PARP6: variants seen among roughly 807,000 people sequenced by gnomAD.
The protein encoded by PARP6 is poly(ADP-ribose) polymerase family member 6, also known as protein mono-ADP-ribosyltransferase PARP6.
Under a neutral mutation model 92.0 loss-of-function variants are expected in PARP6, and 27 were observed. That is an observed-to-expected ratio of 0.29 (90% CI 0.22 to 0.40). The LOEUF (loss-of-function observed/expected upper bound fraction) is 0.40. Ranked by LOEUF, PARP6 falls within the 10% of genes least tolerant of loss-of-function variation. The pLI, the probability that PARP6 is intolerant of heterozygous loss-of-function variation, is 1.00. For synonymous variants in PARP6, 272 were observed against 281.2 expected (o/e 0.97, Z 0.33); for missense variants, 501 against 784.5 (o/e 0.64, Z 4.32).
intron 15 of PARP6, chr15:72,253,870 C>G (rs1289546991): frequency 4.4e-6 from 2 of 455,570 alleles, no homozygotes; most frequent in Non-Finnish European, 8.6e-6. Flanking sequence ...GTCCTCCTGA[C>G]AAGTAAATCA....
intron 1 of PARP6, 148 bp from the exon 2 acceptor site, chr15:72,271,435 T>C (rs764371013): frequency 6.6e-6 from 1 of 152,170 alleles, no homozygotes; most frequent in African/African-American, 2.4e-5. Context: ...TCTGGAGAGA[T>C]GGAAAGTGGA....
At chr15:72,267,899 C>T (rs1005955433) in intron 2 of PARP6, among the ~76,000 whole-genome samples, 5 of 152,222 alleles carry the variant, frequency 3.3e-5, no homozygotes, top group Admixed American at 3.3e-4. Context: ...TTACAGGTGC[C>T]TGCTGCCACG....
intron 4 of PARP6, among the ~76,000 whole-genome samples, 164 bp downstream of exon 4, chr15:72,266,581 G>C (rs2086623488): frequency 6.6e-6 from 1 of 152,172 alleles, no homozygotes; most frequent in African/African-American, 2.4e-5. Flanking sequence ...TCCAAAGAAA[G>C]AGCAAGGGCA....
At position 72,251,263 on chromosome 15, in the gene PARP6, G is replaced by A. The variant is rs1194915350; in HGVS notation, c.1260-8C>T. The stretch of plus-strand genomic sequence containing the variant: ...CTGTTGCTAGAGATGATCCTGGGAA[G>A]AAACAGAAAAAAATAAAAAGGATAG... On this transcript the variant is annotated splice_polypyrimidine_tract_variant and splice_region_variant and intron_variant, in intron 16 of 23. Transcript: ENST00000569795. The A allele has an allele frequency of 1.3e-6, 2 of 1,561,394 alleles. No individual in the cohort carries two copies. The highest frequency in any genetic ancestry group is 1.8e-5 in the Admixed American group (1 of 56,642).
chr15:72,246,940 T>C (rs923163840), intron 20 of PARP6, among the ~76,000 whole-genome samples: 1 of 152,002 alleles, frequency 6.6e-6, no homozygotes, highest in Non-Finnish European at 1.5e-5. Context: ...GTATTTTTAG[T>C]AGAGATGGGG....
chr15:72,257,560 A>C (rs2085299924), intron 12 of PARP6, 120 bp from the exon 13 acceptor site: 3 of 718,078 alleles, frequency 4.2e-6, no homozygotes, highest in Non-Finnish European at 7.3e-6. Flanking sequence ...GGCCCTCTAT[A>C]TCAGGAGAAA....
rs1261119421 is a variant in PARP6 at position 72,256,530 on chromosome 15, T to C, written c.1060A>G (p.Ile354Val). ...ACCACAGAGGGATAAGGCTCAAAGA[T>C]GATGCTCTTTCTAGGGGACTCTAAA... ...AALESPRKSI[I>V]FEPYPSVVDP... The change falls in exon 14 of 24, where the codon ATC becomes GTC. Residue 354 changes from isoleucine to valine, a missense_variant. Ile to Val is a conservative substitution (Grantham distance 29). Coordinates refer to ENST00000569795, the MANE Select transcript of PARP6 (RefSeq NM_001323532.2). The C allele has an allele frequency of 2.5e-6, 4 of 1,597,766 alleles. No individual in the cohort carries two copies. The South Asian group carries it at 3.4e-5, about 14-fold the overall frequency.
chr15:72,261,371 G>A (rs1184826227), intron 9 of PARP6, among the ~76,000 whole-genome samples, 187 bp downstream of exon 9: 1 of 152,086 alleles, frequency 6.6e-6, no homozygotes, highest in African/African-American at 2.4e-5. Flanking sequence ...AAAGGATTAG[G>A]TATTAACCTT....
At position 72,250,852 on chromosome 15, in the gene PARP6, CA is replaced by C; in HGVS notation, c.1410del (p.Phe470LeufsTer40). The C allele has an allele frequency of 6.2e-7, 1 of 1,603,056 alleles. No individual in the cohort carries two copies. Among genetic ancestry groups the C allele is most frequent in the Non-Finnish European group, 8.5e-7 (1 of 1,171,482 alleles). Reference sequence around the variant, plus strand: ...AGCCCCCAGCCTCCTCACTGGAAGGCAAAGGTGCTGCCATAGAGCTTCTTGG... The same window carrying C: ...AGCCCCCAGCCTCCTCACTGGAAGGCAAGGTGCTGCCATAGAGCTTCTTGG... ...RTAKKLYGSTFAFHGSHIENW... is the reference protein window; with the variant it reads ...RTAKKLYGSTXAFHGSHIENW... On this transcript the variant is annotated frameshift_variant, in exon 18 of 24. Coordinates refer to ENST00000569795, the MANE Select transcript of PARP6 (RefSeq NM_001323532.2). LOFTEE classifies it high-confidence loss of function.
intron 14 of PARP6, 138 bp downstream of exon 14, chr15:72,256,327 A>T: frequency 1.6e-6 from 1 of 612,836 alleles, no homozygotes; most frequent in Non-Finnish European, 2.4e-6. Context: ...CTATTTATTT[A>T]CTGAAACAGC....
Position 72,244,856 on chromosome 15 carries a change from T to C in PARP6, c.1562-2157A>G, listed in dbSNP as rs532833692. ...CTACTGATAAAGACATACCCAAGAC[T>C]TGGTAATTTATACAGGAAAAAGGGT... On this transcript the variant is annotated intron_variant, in intron 20 of 23. Transcript: ENST00000569795. 3 of 152,892 alleles carry C rather than the reference T, an allele frequency of 2.0e-5. No homozygotes were observed. In the East Asian group the frequency reaches 5.8e-4, roughly 29 times the overall value. The allele number at this position is 152,892 out of a possible 1,614,324, so 9.5% of individuals were successfully genotyped here.
At position 72,265,396 on chromosome 15, in the gene PARP6, G is replaced by C. The variant is rs550504522; in HGVS notation, c.237+17C>G. On this transcript the variant is annotated intron_variant, in intron 6 of 23. Coordinates refer to ENST00000569795, the MANE Select transcript of PARP6 (RefSeq NM_001323532.2). ...GTCCAGCTAGACATGTTGTTGGCAG[G>C]TACTAGCCCCACTTACATCGAGGAA... is the stretch of plus-strand genomic sequence containing the variant. The C allele has an allele frequency of 6.2e-7, 1 of 1,605,872 alleles. No individual in the cohort carries two copies. Among genetic ancestry groups the C allele is most frequent in the East Asian group, 2.2e-5 (1 of 44,840 alleles).
rs2085725753 is a variant in PARP6 at position 72,260,516 on chromosome 15, G to A, written c.718C>T (p.His240Tyr). 4 of 1,614,082 alleles carry A rather than the reference G, an allele frequency of 2.5e-6. No individual in the cohort carries two copies. Among genetic ancestry groups the A allele is most frequent in the South Asian group, 2.2e-5 (2 of 91,088 alleles). The change falls in exon 10 of 24, where the codon CAC (histidine) becomes TAC (tyrosine). Residue 240 changes from histidine (H) to tyrosine (Y), a missense_variant. Around this residue, in one of 4 missense-constraint regions of PARP6, gnomAD observed 291 missense variants for 352.0 expected, o/e 0.83. Coordinates refer to ENST00000569795, the MANE Select transcript of PARP6 (RefSeq NM_001323532.2). ...CGTGCTGGGGGAGGGAGGCCCACGTGCTGAGGGCACAGGAGACCTGCCTGG... is the reference window on the plus strand; with the variant it reads ...CGTGCTGGGGGAGGGAGGCCCACGTACTGAGGGCACAGGAGACCTGCCTGG... ...SPQAGLLCPQHVGLPPPARTS... is the reference protein window; with the variant it reads ...SPQAGLLCPQYVGLPPPARTS...
intron 3 of PARP6, chr15:72,267,162 G>A (rs918949873): frequency 5.7e-6 from 3 of 525,784 alleles, no homozygotes; most frequent in Non-Finnish European, 1.0e-5. Context: ...AGCATATCTG[G>A]GTTCCAGTAC....
chr15:72,262,994 C>T (rs2086100297), intron 8 of PARP6, among the ~76,000 whole-genome samples: 1 of 152,196 alleles, frequency 6.6e-6, no homozygotes, highest in Non-Finnish European at 1.5e-5. Flanking sequence ...CCTAACCTCT[C>T]CTTTAAGTAG....
intron 16 of PARP6, among the ~76,000 whole-genome samples, chr15:72,251,692 T>C (rs1156739224): frequency 6.6e-6 from 1 of 152,194 alleles, no homozygotes; most frequent in African/African-American, 2.4e-5. Flanking sequence ...CCATCCTTCC[T>C]TAGCTTAAGA....
chr15:72,272,296 G>A (rs899644300), intron 1 of PARP6, 97 bp downstream of exon 1: 5 of 152,602 alleles, frequency 3.3e-5, no homozygotes, highest in African/African-American at 1.2e-4. Context: ...CAGGAAAGAC[G>A]CTCTGGGCCC....
At chr15:72,260,087 G>A (rs948430933) in intron 10 of PARP6, among the ~76,000 whole-genome samples, 2 of 152,182 alleles carry the variant, frequency 1.3e-5, no homozygotes, top group African/African-American at 4.8e-5. Flanking sequence ...TTTGGGAGGT[G>A]AAGGAAGGCG....
chr15:72,242,738 T>C lies in PARP6; in HGVS notation c.1562-39A>G, dbSNP rs774984411. On this transcript the variant is annotated intron_variant, in intron 20 of 23. Coordinates refer to ENST00000569795, the MANE Select transcript of PARP6 (RefSeq NM_001323532.2). The surrounding 1 kb of genome is among the most constrained non-coding windows in gnomAD (Gnocchi z 4.3). Reference sequence around the variant, plus strand: ...ATACACCCACTTCATTTATCAAAAATTTACGAAAGTGCCTACTATGTCCCA... The same window carrying C: ...ATACACCCACTTCATTTATCAAAAACTTACGAAAGTGCCTACTATGTCCCA... 7.4e-6 allele frequency: 10 copies of C among 1,351,686 alleles called. No homozygotes were observed. The highest frequency in any genetic ancestry group is 1.0e-5 in the Non-Finnish European group (10 of 959,694). 83.7% of individuals were successfully genotyped at this position (1,351,686 alleles called of 1,614,324 possible). A position where few individuals can be genotyped will look rare whatever the true frequency, so the allele number is the denominator to read the frequency against.
Sources: gnomAD v4.1 joint callset for allele counts (sites outside exome capture counted in the v4.1 genomes callset) on GRCh38, gnomAD v4.1.1 for gene constraint, gnomAD v4.1.1 regional missense constraint, Gnocchi (gnomAD v3.1) non-coding constraint, MANE v1.5 for transcripts, NCBI Gene and HGNC (gene_info 2026-07-23, HGNC 2026-07-21) for gene names.